Variants in SYN3 observed in about 807,000 individuals in gnomAD.
SYN3 encodes the protein synapsin-3.
A neutral mutation model predicts 65.8 loss-of-function variants in SYN3; 35 were observed. The observed-to-expected ratio is 0.53, with a 90% CI of 0.41 to 0.70. SYN3 has a LOEUF of 0.70. SYN3 is among the 30% of genes least tolerant of loss of function. SYN3 has a pLI of 0.00. For missense variants in SYN3, 680 were observed against 749.0 expected (o/e 0.91, Z 1.08); for synonymous variants, 270 against 292.9 (o/e 0.92, Z 0.80).
chr22:32,509,955 A>G lies in SYN3; in HGVS notation c.*3737T>C, dbSNP rs2057673680. Reference sequence around the variant, plus strand: ...TATGAGTATGGTTATAAAAATCAGGATGCCTGGCCTGATTTGGAGCTTGGA... The same window carrying G: ...TATGAGTATGGTTATAAAAATCAGGGTGCCTGGCCTGATTTGGAGCTTGGA... On this transcript the variant is annotated 3_prime_UTR_variant, in exon 14 of 14. Transcript: ENST00000358763. Among the ~76,000 whole-genome samples, 1 of 152,076 alleles carries G rather than the reference A, an allele frequency of 6.6e-6. No homozygotes were observed. The highest frequency in any genetic ancestry group is 1.5e-5 in the Non-Finnish European group (1 of 68,012).
rs1332733153 is a variant in SYN3 at position 32,507,944 on chromosome 22, C to A, written c.*5748G>T. Among the ~76,000 whole-genome samples, 1 of 151,768 alleles carries A rather than the reference C, an allele frequency of 6.6e-6. No individual in the cohort carries two copies. Among genetic ancestry groups the A allele is most frequent in the Non-Finnish European group, 1.5e-5 (1 of 68,024 alleles). On this transcript the variant is annotated 3_prime_UTR_variant, in exon 14 of 14. Coordinates refer to ENST00000358763, the MANE Select transcript of SYN3 (RefSeq NM_003490.4). ...TCTAGGTTCCCACGCCGCCCCTAAT[C>A]CCACTCGAAGCAGCCCTGAGAAACA...
At chr22:32,860,405 G>A (rs1419577302) in intron 6 of SYN3, 1 of 152,534 alleles carries the variant, frequency 6.6e-6, no homozygotes, top group Non-Finnish European at 1.5e-5. Flanking sequence ...ACCCACATGG[G>A]GACATAAGCT....
chr22:32,719,205 A>C (rs2061081617), intron 6 of SYN3, among the ~76,000 whole-genome samples: 1 of 152,194 alleles, frequency 6.6e-6, no homozygotes, highest in Non-Finnish European at 1.5e-5. Context: ...CTCTCCTAGA[A>C]TAGGACTTCA....
chr22:32,718,514 AAAAAAAG>A (rs2061070697), intron 6 of SYN3, among the ~76,000 whole-genome samples: 2 of 152,078 alleles, frequency 1.3e-5, no homozygotes, highest in African/African-American at 4.8e-5. Flanking sequence ...CTGAAAAAAA[AAAAAAAG>A]AAAAAAGAAA....
intron 4 of SYN3, among the ~76,000 whole-genome samples, chr22:32,876,072 A>G (rs751261928): frequency 5.3e-5 from 8 of 152,212 alleles, no homozygotes; most frequent in Non-Finnish European, 1.0e-4. Flanking sequence ...ACAAAATACT[A>G]TAGACTGGGT....
intron 6 of SYN3, chr22:32,859,991 T>A (rs2048491414): frequency 6.5e-6 from 1 of 154,420 alleles, no homozygotes; most frequent in Non-Finnish European, 1.4e-5. Context: ...TACAAGAGAG[T>A]CGGAGATGAT....
At chr22:32,688,305 C>A (rs2060618710) in intron 6 of SYN3, among the ~76,000 whole-genome samples, 1 of 152,196 alleles carries the variant, frequency 6.6e-6, no homozygotes, top group Non-Finnish European at 1.5e-5. Context: ...GCGTGGTGCT[C>A]TGGCCTGTGC....
chr22:32,890,785 T>G (rs557955200), intron 4 of SYN3, among the ~76,000 whole-genome samples: 1 of 152,132 alleles, frequency 6.6e-6, no homozygotes, highest in Admixed American at 6.5e-5. Context: ...TCCATCTTCA[T>G]TGATTTATAA....
chr22:32,888,650 C>T (rs1266744817), intron 4 of SYN3, among the ~76,000 whole-genome samples: 1 of 152,072 alleles, frequency 6.6e-6, no homozygotes, highest in East Asian at 1.9e-4. Context: ...CAAGACGCCC[C>T]CAGGATTTGA....
At chr22:32,877,358 G>C (rs2049010866) in intron 4 of SYN3, among the ~76,000 whole-genome samples, 1 of 152,170 alleles carries the variant, frequency 6.6e-6, no homozygotes, top group Non-Finnish European at 1.5e-5. Flanking sequence ...AGCAGCTAAG[G>C]AACTCACCAA....
intron 1 of SYN3, among the ~76,000 whole-genome samples, chr22:33,042,013 C>A (rs577982258): frequency 6.6e-6 from 1 of 152,254 alleles, no homozygotes; most frequent in East Asian, 1.9e-4. Flanking sequence ...CAATCCCTAA[C>A]GTGATGGTAT....
chr22:32,940,359 C>T (rs1369133275), intron 3 of SYN3, among the ~76,000 whole-genome samples: 4 of 150,200 alleles, frequency 2.7e-5, no homozygotes, highest in Non-Finnish European at 5.9e-5. Flanking sequence ...TATGCACACA[C>T]ATATGTATAT....
chr22:32,687,865 G>T (rs2060612285), intron 6 of SYN3, among the ~76,000 whole-genome samples: 1 of 152,176 alleles, frequency 6.6e-6, no homozygotes, highest in African/African-American at 2.4e-5. Context: ...CCATGTAAGT[G>T]TCGGCTGTTG....
At chr22:32,724,489 C>G (rs1297255556) in intron 6 of SYN3, among the ~76,000 whole-genome samples, 3 of 152,146 alleles carry the variant, frequency 2.0e-5, no homozygotes, top group African/African-American at 7.2e-5. Context: ...GCCTCAGTGT[C>G]TTCTTCTCCT....
At chr22:32,564,193 C>T (rs2058626293) in intron 7 of SYN3, among the ~76,000 whole-genome samples, 1 of 152,160 alleles carries the variant, frequency 6.6e-6, no homozygotes, top group Non-Finnish European at 1.5e-5. Flanking sequence ...CATGGAGTGG[C>T]TGTGAGGGCC....
At chr22:32,588,178 T>C (rs1397973066) in intron 7 of SYN3, among the ~76,000 whole-genome samples, 3 of 152,238 alleles carry the variant, frequency 2.0e-5, no homozygotes, top group Non-Finnish European at 4.4e-5. Context: ...GGAATGGGGC[T>C]GAACGATTTC....
chr22:32,990,555 A>G (rs913679062), intron 2 of SYN3, among the ~76,000 whole-genome samples: 9 of 152,154 alleles, frequency 5.9e-5, no homozygotes, highest in African/African-American at 2.2e-4. Flanking sequence ...GCACTGTGCT[A>G]CATAGGCCCT....
chr22:32,712,369 C>T (rs2060977499), intron 6 of SYN3, among the ~76,000 whole-genome samples: 1 of 152,178 alleles, frequency 6.6e-6, no homozygotes, highest in Admixed American at 6.5e-5. Flanking sequence ...TGTTTGCCTC[C>T]CCCACCAGAT....
intron 6 of SYN3, among the ~76,000 whole-genome samples, chr22:32,616,520 C>T (rs951185823): frequency 6.6e-6 from 1 of 152,152 alleles, no homozygotes; most frequent in Non-Finnish European, 1.5e-5. Flanking sequence ...AGAGGCCTGT[C>T]ATAGTGCTGA....
Sources: gnomAD v4.1 joint callset for allele counts (sites outside exome capture counted in the v4.1 genomes callset) on GRCh38, gnomAD v4.1.1 for gene constraint, MANE v1.5 for transcripts, NCBI Gene and HGNC (gene_info 2026-07-23, HGNC 2026-07-21) for gene names.